USP9X: variants seen among roughly 807,000 people sequenced by gnomAD.
USP9X encodes the protein ubiquitin carboxyl-terminal hydrolase 9X.
Under a neutral mutation model 190.3 loss-of-function variants are expected in USP9X, and 7 were observed. That is an observed-to-expected ratio of 0.04 (90% confidence interval 0.02 to 0.07). The LOEUF (loss-of-function observed/expected upper bound fraction) is 0.07. Ranked by LOEUF, USP9X falls within the 10% of genes least tolerant of loss-of-function variation. USP9X has a pLI of 1.00. For synonymous variants in USP9X, 645 were observed against 659.5 expected (o/e 0.98, Z 0.34); for missense variants, 1,010 against 1,916.9 (o/e 0.53, Z 8.83).
intron 1 of USP9X, among the ~76,000 whole-genome samples, chrX:41,100,647 TA>T (rs981152900): frequency 3.6e-5 from 4 of 111,389 alleles, no homozygotes; most frequent in African/African-American, 9.8e-5. Flanking sequence ...TTTATTTATT[TA>T]AAAAAAATTT....
At position 41,232,561 on chromosome X, in the gene USP9X, A is replaced by G. The variant is rs2063370729; in HGVS notation, c.*37A>G. 1 of 1,174,674 alleles carries G rather than the reference A, an allele frequency of 8.5e-7. No homozygotes were observed. Among genetic ancestry groups the G allele is most frequent in the Admixed American group, 2.3e-5 (1 of 43,112 alleles). ...TTAACTGGTTCCATCAAGACTGTGCACCCAGGCCTTACAGTCCAACCTTTT... is the reference window on the plus strand; with the variant it reads ...TTAACTGGTTCCATCAAGACTGTGCGCCCAGGCCTTACAGTCCAACCTTTT... On this transcript the variant is annotated 3_prime_UTR_variant, in exon 45 of 45. Transcript: ENST00000378308.
intron 33 of USP9X, among the ~76,000 whole-genome samples, chrX:41,210,933 C>T (rs1444497756): frequency 3.6e-5 from 4 of 110,796 alleles, no homozygotes; most frequent in African/African-American, 6.6e-5. Flanking sequence ...CTTACAGTCT[C>T]TTTCTTCCTT....
At chrX:41,173,686 G>A (rs1348006683) in intron 21 of USP9X, among the ~76,000 whole-genome samples, 4 of 111,950 alleles carry the variant, frequency 3.6e-5, no homozygotes, top group African/African-American at 1.3e-4. Context: ...AAAAGATATA[G>A]TTCAAACTCA....
In USP9X at chrX:41,170,099, C is replaced by T; in HGVS notation, c.2741C>T (p.Ser914Leu). Residue 914 changes from serine to leucine, a missense_variant, in exon 19 of 45, where the codon TCA becomes TTA. Physicochemically the swap from Ser to Leu is moderately radical, Grantham distance 145. Coordinates refer to ENST00000378308, the MANE Select transcript of USP9X (RefSeq NM_001039591.3). The stretch of plus-strand genomic sequence containing the variant: ...TCTCATACAAATGATACAATTGGTT[C>T]AGTACGACGATGTATTCTCAATCGT... ...VWSHTNDTIGSVRRCILNRIK... is the reference protein window; with the variant it reads ...VWSHTNDTIGLVRRCILNRIK... The T allele has an allele frequency of 8.3e-7, 1 of 1,211,494 alleles. No homozygotes were observed. The highest frequency in any genetic ancestry group is 1.8e-5 in the South Asian group (1 of 56,980).
chrX:41,113,746 A>G (rs2062126271), intron 1 of USP9X, among the ~76,000 whole-genome samples: 1 of 111,909 alleles, frequency 8.9e-6, no homozygotes. Flanking sequence ...ATTTGAAAAA[A>G]ACAGGATAAA....
intron 30 of USP9X, among the ~76,000 whole-genome samples, chrX:41,200,581 A>G (rs182163059): frequency 1.9e-3 from 209 of 111,786 alleles, no homozygotes; most frequent in African/African-American, 6.5e-3. Flanking sequence ...AAGGTGGGGG[A>G]AAAAAAGTGG....
intron 32 of USP9X, among the ~76,000 whole-genome samples, chrX:41,209,402 T>C (rs750259481): frequency 1.8e-5 from 2 of 111,596 alleles, no homozygotes; most frequent in Admixed American, 9.6e-5. Context: ...TTCCTGATGA[T>C]TAGCTTTATG....
Position 41,143,447 on chromosome X carries a change from A to T in USP9X, c.1314+4A>T. On this transcript the variant is annotated splice_donor_region_variant and intron_variant, in intron 10 of 44. Coordinates refer to ENST00000378308, the MANE Select transcript of USP9X (RefSeq NM_001039591.3). Reference sequence around the variant, plus strand: ...TGATAATATCTGGGCAGCACAGGTAAGGAATTTAAGATGATGGCTATTTAG... The same window carrying T: ...TGATAATATCTGGGCAGCACAGGTATGGAATTTAAGATGATGGCTATTTAG... The T allele has an allele frequency of 3.4e-6, 4 of 1,167,672 alleles. No homozygotes were observed. The highest frequency in any genetic ancestry group is 4.6e-6 in the Non-Finnish European group (4 of 875,077).
intron 4 of USP9X, 22 bp from the exon 5 acceptor site, chrX:41,134,703 A>G: frequency 8.5e-7 from 1 of 1,178,282 alleles, no homozygotes; most frequent in Non-Finnish European, 1.2e-6. Context: ...TGTTTGCATT[A>G]ATTTTTCTCC....
intron 12 of USP9X, among the ~76,000 whole-genome samples, chrX:41,150,017 C>G (rs2062509023): frequency 9.0e-6 from 1 of 111,022 alleles, no homozygotes; most frequent in African/African-American, 3.3e-5. Context: ...TGAATAATTA[C>G]TAATAGTTTA....
intron 30 of USP9X, among the ~76,000 whole-genome samples, 181 bp from the exon 31 acceptor site, chrX:41,200,872 GTGCCTGT>G (rs1289773531): frequency 3.6e-5 from 4 of 112,266 alleles, no homozygotes; most frequent in Non-Finnish European, 7.5e-5. Context: ...CTGCACAGTG[GTGCCTGT>G]TGCTGTATAT....
intron 3 of USP9X, among the ~76,000 whole-genome samples, chrX:41,130,071 C>T (rs1042723897): frequency 4.5e-5 from 5 of 111,536 alleles, no homozygotes; most frequent in Non-Finnish European, 9.4e-5. Context: ...TGTTAACAAT[C>T]AATACATTCT....
chrX:41,112,806 A>G (rs759099718), intron 1 of USP9X, among the ~76,000 whole-genome samples: 16 of 112,860 alleles, frequency 1.4e-4, no homozygotes, highest in East Asian at 5.5e-4. Context: ...ATGTTTGCAA[A>G]TGAGATTACC....
chrX:41,224,984 T>G lies in USP9X; in HGVS notation c.6972+22T>G, dbSNP rs2063299995. On this transcript the variant is annotated intron_variant, in intron 40 of 44. Transcript: ENST00000378308. ...GCAGGTAAAAGGAAAATAACATTTG[T>G]ATGTTTATAATTTGATTTGTTATTC... is the stretch of plus-strand genomic sequence containing the variant. The G allele has an allele frequency of 3.3e-6, 4 of 1,207,643 alleles. No homozygotes were observed. In the African/African-American group the frequency reaches 7.0e-5, roughly 21 times the overall value.
At chrX:41,094,474 TGTG>T (rs2061975566) in intron 1 of USP9X, among the ~76,000 whole-genome samples, 1 of 109,039 alleles carries the variant, frequency 9.2e-6, no homozygotes, top group Non-Finnish European at 1.9e-5. Context: ...CCGTGCCTGG[TGTG>T]TTTCTTGTCT....
chrX:41,159,457 ATGAACT>A (rs2062608183), intron 14 of USP9X, among the ~76,000 whole-genome samples: 1 of 112,222 alleles, frequency 8.9e-6, no homozygotes, highest in African/African-American at 3.2e-5. Flanking sequence ...TACAACATGA[ATGAACT>A]TTGAAAACAT....
intron 2 of USP9X, among the ~76,000 whole-genome samples, chrX:41,125,589 C>A (rs1191040666): frequency 2.9e-5 from 3 of 101,738 alleles, no homozygotes; most frequent in Non-Finnish European, 6.0e-5. Flanking sequence ...TGTCATTAAA[C>A]CTTCTAAAAA....
In USP9X at chrX:41,170,925, G is replaced by A. The variant is rs774352934; in HGVS notation, c.3027+306G>A. Reference sequence around the variant, plus strand: ...AGGAAAACAGTCATCCCTCGTATACGTGGAGAATTGGTTCCAGGACCTCTG... The same window carrying A: ...AGGAAAACAGTCATCCCTCGTATACATGGAGAATTGGTTCCAGGACCTCTG... On this transcript the variant is annotated intron_variant, in intron 20 of 44. Coordinates refer to ENST00000378308, the MANE Select transcript of USP9X (RefSeq NM_001039591.3). 6.3e-5 allele frequency among the ~76,000 whole-genome samples: 7 copies of A among 111,649 alleles called. No homozygotes were observed. In the South Asian group the frequency reaches 1.5e-3, roughly 24 times the overall value.
rs759632065 is a variant in USP9X at position 41,137,032 on chromosome X, T to A, written c.654+10T>A. 2 of 1,196,091 alleles carry A rather than the reference T, an allele frequency of 1.7e-6. No homozygotes were observed. Among genetic ancestry groups the A allele is most frequent in the Admixed American group, 4.4e-5 (2 of 45,683 alleles). On this transcript the variant is annotated intron_variant, in intron 6 of 44. Coordinates refer to ENST00000378308, the MANE Select transcript of USP9X (RefSeq NM_001039591.3). The stretch of plus-strand genomic sequence containing the variant: ...TCCTCGATCACCAAAGGTGTGTTGG[T>A]TTGTTATTTTCAAAATTAAATAATA...
Sources: allele counts gnomAD v4.1 joint callset (sites outside exome capture counted in the v4.1 genomes callset), GRCh38; gene constraint gnomAD v4.1.1; transcripts MANE v1.5; gene names NCBI Gene and HGNC (gene_info 2026-07-23, HGNC 2026-07-21).